HPSE2: variants seen among roughly 807,000 people sequenced by gnomAD.
The protein encoded by HPSE2 is inactive heparanase-2.
Under a neutral mutation model 60.5 loss-of-function variants are expected in HPSE2, and 38 were observed. That is an observed-to-expected ratio of 0.63 (90% CI 0.48 to 0.82). The LOEUF (loss-of-function observed/expected upper bound fraction) is 0.82, where lower values mean the gene tolerates loss of function less well. Among genes scored for constraint, HPSE2 ranks in the 40% least tolerant of loss-of-function variants. HPSE2 has a pLI of 0.00. For missense variants in HPSE2, 713 were observed against 740.4 expected (o/e 0.96, Z 0.43); for synonymous variants, 295 against 293.2 (o/e 1.01, Z -0.06).
intron 9 of HPSE2, among the ~76,000 whole-genome samples, chr10:98,517,671 G>A (rs1942647287): frequency 6.6e-6 from 1 of 152,192 alleles, no homozygotes; most frequent in Non-Finnish European, 1.5e-5. Flanking sequence ...GAATGGAGCT[G>A]GTTCCCCAGA....
intron 3 of HPSE2, among the ~76,000 whole-genome samples, chr10:98,764,794 T>C (rs1307712383): frequency 6.6e-6 from 1 of 151,998 alleles, no homozygotes; most frequent in African/African-American, 2.4e-5. Context: ...GAGGCGGAGG[T>C]TGCAGTGAGC....
the HPSE2 span, among the ~76,000 whole-genome samples, chr10:99,266,538 C>T: frequency 6.6e-6 from 1 of 152,108 alleles, no homozygotes; most frequent in African/African-American, 2.4e-5. Context: ...ACCCTGCCCC[C>T]ACGTGATGGT....
chr10:99,158,480 AT>A (rs1846677504), intron 2 of HPSE2, among the ~76,000 whole-genome samples: 1 of 125,694 alleles, frequency 8.0e-6, no homozygotes, highest in African/African-American at 2.8e-5. Context: ...GGAAATCATC[AT>A]TCTCAGTAAA....
intron 11 of HPSE2, among the ~76,000 whole-genome samples, chr10:98,463,863 A>C (rs1456271262): frequency 6.6e-6 from 1 of 152,200 alleles, no homozygotes; most frequent in East Asian, 1.9e-4. Context: ...TCACGCCTGT[A>C]ATCCCAGCAC....
intron 2 of HPSE2, among the ~76,000 whole-genome samples, chr10:99,184,811 TATATATATAGAGAGAGAGAGAGAGAG>T (rs1264448454): frequency 0.054 from 2,024 of 37,732 alleles, 88 homozygotes; most frequent in Non-Finnish European, 0.098. Flanking sequence ...TATATATATA[TATATATATAGAGAGAGAGAGAGAGAG>T]AGAGAGAGAG....
At chr10:98,954,017 C>G (rs1439379243) in intron 3 of HPSE2, among the ~76,000 whole-genome samples, 1 of 152,114 alleles carries the variant, frequency 6.6e-6, no homozygotes, top group African/African-American at 2.4e-5. Context: ...GAAAAGAGCA[C>G]TAAGTTGGCC....
At chr10:98,535,738 TAATACAACC>T (rs1943262987) in intron 9 of HPSE2, among the ~76,000 whole-genome samples, 2 of 152,162 alleles carry the variant, frequency 1.3e-5, no homozygotes, top group Admixed American at 1.3e-4. Context: ...TATAATTTCA[TAATACAACC>T]ACCCTCTCAC....
intron 3 of HPSE2, among the ~76,000 whole-genome samples, chr10:99,004,955 T>C (rs1956858596): frequency 6.6e-6 from 1 of 152,186 alleles, no homozygotes; most frequent in Non-Finnish European, 1.5e-5. Flanking sequence ...CCTTTAGTAC[T>C]TTGAATATAC....
At chr10:99,151,005 C>A (rs2135797474) in intron 2 of HPSE2, among the ~76,000 whole-genome samples, 1 of 151,586 alleles carries the variant, frequency 6.6e-6, no homozygotes, top group East Asian at 1.9e-4. Context: ...GGAAACCAAG[C>A]TAAAAAATAA....
chr10:98,485,107 T>A (rs1038552095), intron 10 of HPSE2, among the ~76,000 whole-genome samples: 1 of 152,226 alleles, frequency 6.6e-6, no homozygotes, highest in African/African-American at 2.4e-5. Context: ...GACAGGTCAG[T>A]ATGGTGACAT....
chr10:98,574,085 A>G (rs1275139197), intron 9 of HPSE2, among the ~76,000 whole-genome samples: 3 of 151,234 alleles, frequency 2.0e-5, no homozygotes, highest in Non-Finnish European at 4.4e-5. Flanking sequence ...CTACTAATCT[A>G]CTTTCCACCT....
intron 2 of HPSE2, among the ~76,000 whole-genome samples, chr10:99,207,389 A>G (rs555336055): frequency 1.2e-4 from 19 of 152,366 alleles, no homozygotes; most frequent in Admixed American, 5.9e-4. Flanking sequence ...GTGTCTTTTA[A>G]GAAATGCTAA....
At chr10:98,494,692 T>C (rs1197023045) in intron 9 of HPSE2, among the ~76,000 whole-genome samples, 2 of 152,234 alleles carry the variant, frequency 1.3e-5, no homozygotes, top group African/African-American at 4.8e-5. Context: ...CAATGGTTGA[T>C]GTCACAAAAT....
At chr10:99,010,098 A>G (rs12249519) in intron 3 of HPSE2, among the ~76,000 whole-genome samples, 21,801 of 152,216 alleles carry the variant, frequency 0.14, 2,273 homozygotes, top group African/African-American at 0.28. Flanking sequence ...CCAATAAACC[A>G]ATAATCTAAA....
chr10:99,101,266 T>C (rs1472551064), intron 3 of HPSE2, among the ~76,000 whole-genome samples: 2 of 152,022 alleles, frequency 1.3e-5, no homozygotes, highest in South Asian at 2.1e-4. Flanking sequence ...AAGACACACA[T>C]AGGCTCAAAA....
chr10:99,183,755 A>G (rs568012066), intron 2 of HPSE2, among the ~76,000 whole-genome samples: 87 of 152,318 alleles, frequency 5.7e-4, no homozygotes, highest in African/African-American at 1.7e-3. Flanking sequence ...TGGTGTTTCT[A>G]TAACAGAACC....
In HPSE2 at chr10:98,644,163, T is replaced by G. The variant is rs549346698; in HGVS notation, c.1005-2223A>C. ...GAATCTGGAGTTAGAAAACCTTGGTTCAATCCCTTCTTTAAAGTGGGTTTT... is the reference window on the plus strand; with the variant it reads ...GAATCTGGAGTTAGAAAACCTTGGTGCAATCCCTTCTTTAAAGTGGGTTTT... On this transcript the variant is annotated intron_variant, in intron 6 of 11. Transcript: ENST00000370552. Among the ~76,000 whole-genome samples, 408 of 152,324 alleles carry G rather than the reference T, an allele frequency of 2.7e-3. 2 individuals are homozygous for G. The highest frequency in any genetic ancestry group is 5.6e-3 in the African/African-American group (232 of 41,566).
intron 3 of HPSE2, among the ~76,000 whole-genome samples, chr10:98,785,551 C>T (rs1169523489): frequency 1.1e-5 from 1 of 93,046 alleles, no homozygotes; most frequent in Admixed American, 1.2e-4. Flanking sequence ...TGGTAGAATT[C>T]GGCTGTGAAT....
At chr10:98,958,504 A>C (rs1264038408) in intron 3 of HPSE2, among the ~76,000 whole-genome samples, 1 of 152,172 alleles carries the variant, frequency 6.6e-6, no homozygotes, top group Non-Finnish European at 1.5e-5. Context: ...CATTTACTAC[A>C]TGCTAAACAA....
Sources: gnomAD v4.1 joint callset for allele counts (sites outside exome capture counted in the v4.1 genomes callset) on GRCh38, gnomAD v4.1.1 for gene constraint, MANE v1.5 for transcripts, NCBI Gene and HGNC (gene_info 2026-07-23, HGNC 2026-07-21) for gene names.